The following KRT8 variants were observed in gnomAD, a reference collection of about 807,000 sequenced individuals.
KRT8 encodes keratin 8.
In KRT8, 24 loss-of-function variants were observed where a neutral mutation model predicts 43.0. The ratio of observed to expected loss-of-function variants is 0.56; its 90% CI spans 0.40 to 0.78. KRT8 has a LOEUF of 0.78. Ranked by LOEUF, KRT8 falls within the 30% of genes least tolerant of loss-of-function variation. The pLI, the probability that KRT8 is intolerant of heterozygous loss-of-function variation, is 0.00. For synonymous variants in KRT8, 214 were observed against 261.2 expected (o/e 0.82, Z 1.74); for missense variants, 492 against 638.4 (o/e 0.77, Z 2.47).
intron 2 of KRT8, among the ~76,000 whole-genome samples, chr12:52,933,633 TA>T (rs1424321189): frequency 2.6e-5 from 4 of 152,152 alleles, no homozygotes; most frequent in African/African-American, 4.8e-5. Context: ...TTTATTTTTT[TA>T]TTTTTTTGAG....
At chr12:52,924,843 G>T (rs978025599) in intron 2 of KRT8, among the ~76,000 whole-genome samples, 2 of 152,142 alleles carry the variant, frequency 1.3e-5, no homozygotes, top group African/African-American at 4.8e-5. Flanking sequence ...TGTGGTCTGC[G>T]GCAACAGCCA....
chr12:52,911,725 C>A (rs937964983), upstream of KRT8, among the ~76,000 whole-genome samples: 26 of 152,160 alleles, frequency 1.7e-4, 1 homozygote, highest in South Asian at 8.3e-4. Flanking sequence ...TCCAGTATAA[C>A]GATGGAGAAC....
intron 2 of KRT8, among the ~76,000 whole-genome samples, chr12:52,938,154 A>G (rs1480583252): frequency 2.9e-5 from 1 of 34,372 alleles, no homozygotes; most frequent in Non-Finnish European, 5.0e-5. Flanking sequence ...ATATATATAT[A>G]TATATATATA....
intron 2 of KRT8, among the ~76,000 whole-genome samples, chr12:52,938,149 TATATATATATA>T (rs1942200698): frequency 2.8e-5 from 1 of 35,790 alleles, no homozygotes; most frequent in Non-Finnish European, 5.0e-5. Flanking sequence ...TATATATATA[TATATATATATA>T]TATATATATA....
intron 2 of KRT8, among the ~76,000 whole-genome samples, chr12:52,939,303 C>T (rs1055821615): frequency 3.3e-5 from 5 of 151,364 alleles, no homozygotes; most frequent in South Asian, 2.1e-4. Context: ...GTCAGGAGTT[C>T]GACACCAGCC....
At chr12:52,901,361 T>G in intron 2 of KRT8, 142 bp from the exon 3 acceptor site, 3 of 717,626 alleles carry the variant, frequency 4.2e-6, no homozygotes, top group Non-Finnish European at 2.6e-6. Context: ...CCTTCTGCCT[T>G]CCCCAGCTGC....
At chr12:52,949,154 T>A in intron 2 of KRT8, 1 of 1,560,252 alleles carries the variant, frequency 6.4e-7, no homozygotes, top group Non-Finnish European at 8.8e-7. Flanking sequence ...AGTCCTGTCC[T>A]TTCTCTCTCC....
chr12:52,920,171 G>T (rs903482045), intron 2 of KRT8, among the ~76,000 whole-genome samples: 10 of 152,194 alleles, frequency 6.6e-5, no homozygotes, highest in African/African-American at 2.4e-4. Context: ...ACTCAAAAGG[G>T]AGGATTCAAA....
chr12:52,899,132 G>A (rs1941297353), intron 5 of KRT8: 1 of 527,072 alleles, frequency 1.9e-6, no homozygotes, highest in South Asian at 2.0e-5. Context: ...GGCTAACACA[G>A]TGAAACCCCG....
chr12:52,935,662 G>A (rs1942159178), intron 2 of KRT8, among the ~76,000 whole-genome samples: 2 of 143,030 alleles, frequency 1.4e-5, no homozygotes, highest in African/African-American at 2.6e-5. Flanking sequence ...TTTTTTTTTA[G>A]AGACACATTC....
At position 52,918,201 on chromosome 12, in the gene KRT8, A is replaced by AGAAGAAGAAGAAGAG. The variant is rs1941806170; in HGVS notation, c.-46-13175_-46-13174insCTCTTCTTCTTCTTC. On this transcript the variant is annotated intron_variant, in intron 2 of 6. Transcript: ENST00000546826. ...AAGAGGAAGAAGAAGAAGAAGAAGA[A>AGAAGAAGAAGAAGAG]GAACAAGAAGAAGAAGAAGAAGAAG... 6.5e-5 allele frequency among the ~76,000 whole-genome samples: 8 copies of AGAAGAAGAAGAAGAG among 122,788 alleles called. No individual in the cohort carries two copies. In the South Asian group the frequency reaches 2.0e-3, roughly 31 times the overall value. 80.6% of individuals were successfully genotyped at this position (122,788 alleles called of 152,430 possible).
At chr12:52,915,190 A>G (rs1470234574) in intron 2 of KRT8, among the ~76,000 whole-genome samples, 1 of 151,908 alleles carries the variant, frequency 6.6e-6, no homozygotes, top group Non-Finnish European at 1.5e-5. Flanking sequence ...TGGCTAACAC[A>G]GTGAAACCCC....
Position 52,898,953 on chromosome 12 carries a change from C to T in KRT8, c.982-54G>A, listed in dbSNP as rs565852708. 3.9e-6 allele frequency: 6 copies of T among 1,524,822 alleles called. No individual in the cohort carries two copies. In the Admixed American group the frequency reaches 6.9e-5, roughly 18 times the overall value. The allele number at this position is 1,524,822 out of a possible 1,614,324, so 94.5% of individuals were successfully genotyped here. On this transcript the variant is annotated intron_variant, in intron 5 of 7. Transcript: ENST00000692008. ...CAGGTTGGGTATGCCTTCTCTTCTCCCGTGCTCCCACCCTCCCTCAGGGTC... is the reference window on the plus strand; with the variant it reads ...CAGGTTGGGTATGCCTTCTCTTCTCTCGTGCTCCCACCCTCCCTCAGGGTC...
exon 1 of KRT8, chr12:52,949,767 G>T (rs751527584): frequency 9.7e-6 from 7 of 719,728 alleles, no homozygotes; most frequent in Admixed American, 4.0e-5. Context: ...CAGCAGCTAG[G>T]CATGGGAGGG....
intron 2 of KRT8, among the ~76,000 whole-genome samples, chr12:52,940,596 ATGAACT>A (rs1760215941): frequency 6.6e-6 from 1 of 151,356 alleles, no homozygotes; most frequent in Admixed American, 6.6e-5. Context: ...GGGGTGAGCA[ATGAACT>A]TGACTATAAA....
At chr12:52,905,139 G>A, upstream of KRT8, 1 of 1,384,036 alleles carries the variant, frequency 7.2e-7, no homozygotes, top group Non-Finnish European at 9.5e-7. Flanking sequence ...TACCTGAGTG[G>A]CTAGGCCCAG....
chr12:52,904,120 C>T (rs1161273527), intron 1 of KRT8, among the ~76,000 whole-genome samples: 2 of 151,654 alleles, frequency 1.3e-5, no homozygotes, highest in Non-Finnish European at 2.9e-5. Flanking sequence ...TCACACCAAA[C>T]CCCTATGTAA....
chr12:52,900,259 A>G (rs1004787000), intron 4 of KRT8, among the ~76,000 whole-genome samples, 194 bp from the exon 5 acceptor site: 4 of 152,146 alleles, frequency 2.6e-5, no homozygotes, highest in East Asian at 1.9e-4. Context: ...GAGGGATCCA[A>G]TGCAGCTCAA....
intron 2 of KRT8, chr12:52,948,340 G>C (rs1942382465): frequency 6.6e-6 from 1 of 152,162 alleles, no homozygotes; most frequent in African/African-American, 2.4e-5. Context: ...CTCTTCTCCA[G>C]CTCCCAGCCT....
Sources: gnomAD v4.1 joint callset for allele counts (sites outside exome capture counted in the v4.1 genomes callset) on GRCh38, gnomAD v4.1.1 for gene constraint, MANE v1.5 for transcripts, NCBI Gene and HGNC (gene_info 2026-07-23, HGNC 2026-07-21) for gene names.